RIMS2: variants seen among roughly 807,000 people sequenced by gnomAD.
RIMS2 encodes regulating synaptic membrane exocytosis 2, also known as regulating synaptic membrane exocytosis protein 2.
Under a neutral mutation model 174.4 loss-of-function variants are expected in RIMS2, and 59 were observed. That is an observed-to-expected ratio of 0.34 (90% CI 0.27 to 0.42). RIMS2 has a LOEUF of 0.42. Ranked by LOEUF, RIMS2 falls within the 10% of genes least tolerant of loss-of-function variation. The pLI is 1.00. For synonymous variants in RIMS2, 606 were observed against 572.5 expected (o/e 1.06, Z -0.84); for missense variants, 1,620 against 1,666.3 (o/e 0.97, Z 0.48).
chr8:103,763,512 A>G (rs2098134960), intron 2 of RIMS2, among the ~76,000 whole-genome samples: 1 of 151,818 alleles, frequency 6.6e-6, no homozygotes, highest in African/African-American at 2.4e-5. Context: ...CGAGGAATAT[A>G]GGATAAGGGA....
At chr8:103,602,818 A>G (rs960134232) in intron 1 of RIMS2, among the ~76,000 whole-genome samples, 1 of 152,132 alleles carries the variant, frequency 6.6e-6, no homozygotes, top group Non-Finnish European at 1.5e-5. Flanking sequence ...TTTTGGGCAT[A>G]TACTCATTAA....
chr8:103,959,716 G>C (rs1373535734), intron 14 of RIMS2, among the ~76,000 whole-genome samples: 1 of 152,030 alleles, frequency 6.6e-6, no homozygotes, highest in Non-Finnish European at 1.5e-5. Context: ...GAGCCACCGT[G>C]TATCTCTACC....
At chr8:103,530,203 G>T (rs1346654041) in intron 1 of RIMS2, among the ~76,000 whole-genome samples, 1 of 152,092 alleles carries the variant, frequency 6.6e-6, no homozygotes. Flanking sequence ...ATATGTTAGG[G>T]TTTGATGATT....
At chr8:104,202,106 A>G (rs776292455) in intron 19 of RIMS2, among the ~76,000 whole-genome samples, 2 of 152,158 alleles carry the variant, frequency 1.3e-5, no homozygotes, top group African/African-American at 2.4e-5. Context: ...TTTTGCTTTT[A>G]GGAAACTTGA....
At chr8:103,832,385 T>C (rs561623985) in intron 3 of RIMS2, among the ~76,000 whole-genome samples, 3 of 152,234 alleles carry the variant, frequency 2.0e-5, no homozygotes, top group Non-Finnish European at 4.4e-5. Context: ...TCAATTTTTT[T>C]TAACTTTTAT....
intron 1 of RIMS2, among the ~76,000 whole-genome samples, chr8:103,646,882 T>C (rs7818497): frequency 0.18 from 26,770 of 152,044 alleles, 2,571 homozygotes; most frequent in African/African-American, 0.23. Context: ...TGAGTAGGAG[T>C]GGTAGGAGAA....
intron 1 of RIMS2, among the ~76,000 whole-genome samples, chr8:103,694,794 G>A (rs964999162): frequency 6.6e-6 from 1 of 152,204 alleles, no homozygotes; most frequent in African/African-American, 2.4e-5. Flanking sequence ...GGTTGTGCCT[G>A]AAGCCTGAGG....
intron 19 of RIMS2, among the ~76,000 whole-genome samples, chr8:104,165,282 T>G (rs1319741895): frequency 6.6e-6 from 1 of 152,192 alleles, no homozygotes; most frequent in African/African-American, 2.4e-5. Flanking sequence ...TGAATTAGCC[T>G]TCTTATTCTG....
intron 3 of RIMS2, among the ~76,000 whole-genome samples, chr8:103,870,493 T>C (rs1031679178): frequency 3.9e-5 from 6 of 152,082 alleles, no homozygotes; most frequent in Admixed American, 1.3e-4. Context: ...ATTATAGAAA[T>C]AGAATCTGCC....
In RIMS2 at chr8:104,216,422, C is replaced by T. The variant is rs28577068; in HGVS notation, c.3335-28494C>T. ...CTCAGTAGAGTCTCTTCAGCTGTGT[C>T]ACTTAGCAATTAAAGATTATGGATT... On this transcript the variant is annotated intron_variant, in intron 19 of 23. Coordinates refer to ENST00000504942, the Ensembl canonical transcript of RIMS2. Among the ~76,000 whole-genome samples the T allele has an allele frequency of 9.9e-3, 1,509 of 152,290 alleles. 21 individuals are homozygous for T. Among genetic ancestry groups the T allele is most frequent in the African/African-American group, 0.033 (1,359 of 41,556 alleles).
chr8:104,080,219 C>A (rs1478422019), intron 19 of RIMS2, among the ~76,000 whole-genome samples: 8 of 151,858 alleles, frequency 5.3e-5, no homozygotes, highest in African/African-American at 1.7e-4. Context: ...ATTGAAGGAA[C>A]CTTATAAAGT....
chr8:104,026,403 G>A (rs1224053094), intron 19 of RIMS2, among the ~76,000 whole-genome samples: 2 of 152,020 alleles, frequency 1.3e-5, no homozygotes, highest in Non-Finnish European at 2.9e-5. Context: ...ATTATTGTTT[G>A]TTAATTTTGT....
rs1315309993 is a variant in RIMS2, at chr8:103,529,040, C to T, written c.176+27978C>T. The stretch of plus-strand genomic sequence containing the variant: ...TATCCATGAGCATGGAATGTTCTTC[C>T]ATTTGTTTGTGTCTTCTTTTATTTC... On this transcript the variant is annotated intron_variant, in intron 1 of 23. Transcript: ENST00000504942. 2.6e-5 allele frequency among the ~76,000 whole-genome samples: 4 copies of T among 152,116 alleles called. No individual in the cohort carries two copies. The East Asian group carries it at 7.7e-4, about 29-fold the overall frequency.
chr8:103,782,294 T>G (rs2098399021), intron 3 of RIMS2, among the ~76,000 whole-genome samples: 1 of 152,136 alleles, frequency 6.6e-6, no homozygotes, highest in African/African-American at 2.4e-5. Flanking sequence ...GTTGGAAATC[T>G]TTCTTTACCA....
At chr8:103,843,362 T>C (rs1230077142) in intron 3 of RIMS2, among the ~76,000 whole-genome samples, 1 of 152,190 alleles carries the variant, frequency 6.6e-6, no homozygotes, top group African/African-American at 2.4e-5. Flanking sequence ...TCCCCCTGCC[T>C]CAGCCTTGCT....
At chr8:103,856,954 A>C (rs1371081557) in intron 3 of RIMS2, among the ~76,000 whole-genome samples, 2 of 152,052 alleles carry the variant, frequency 1.3e-5, no homozygotes, top group Non-Finnish European at 2.9e-5. Context: ...CTACAGATGC[A>C]CAACTCAGTT....
At chr8:103,557,446 G>A (rs547920902) in intron 1 of RIMS2, among the ~76,000 whole-genome samples, 1 of 152,072 alleles carries the variant, frequency 6.6e-6, no homozygotes, top group African/African-American at 2.4e-5. Flanking sequence ...CCACTTTTAG[G>A]GAAAAACACA....
rs2098970991 is a variant in RIMS2 at position 104,186,903 on chromosome 8, A to T, written c.3335-58013A>T. 2.0e-5 allele frequency among the ~76,000 whole-genome samples: 3 copies of T among 151,788 alleles called. No homozygotes were observed. The South Asian group carries it at 6.2e-4, about 31-fold the overall frequency. On this transcript the variant is annotated intron_variant, in intron 19 of 23. Transcript: ENST00000504942. ...TAGCATGACTGCCACAATCTTCTAG[A>T]TTTCCTAAAGTGCAGGAAAATATAT...
At chr8:103,996,315 A>T (rs534702790) in intron 17 of RIMS2, among the ~76,000 whole-genome samples, 22 of 152,026 alleles carry the variant, frequency 1.4e-4, no homozygotes, top group African/African-American at 4.8e-4. Flanking sequence ...ATAGAGTTTG[A>T]AAACCACTGC....
Sources: allele counts gnomAD v4.1 joint callset (sites outside exome capture counted in the v4.1 genomes callset), GRCh38; gene constraint gnomAD v4.1.1; transcripts MANE v1.5; gene names NCBI Gene and HGNC (gene_info 2026-07-23, HGNC 2026-07-21).